Variants in CRB1 observed in about 807,000 individuals in gnomAD.
CRB1 encodes the protein protein crumbs homolog 1.
A neutral mutation model predicts 120.0 loss-of-function variants in CRB1; 83 were observed. That is an observed-to-expected ratio of 0.69 (90% confidence interval 0.58 to 0.83). The LOEUF (loss-of-function observed/expected upper bound fraction) is 0.83. Ranked by LOEUF, CRB1 falls within the 40% of genes least tolerant of loss-of-function variation. CRB1 has a pLI of 0.00. For missense variants in CRB1, 1,699 were observed against 1,687.6 expected (o/e 1.01, Z -0.12); for synonymous variants, 625 against 612.5 (o/e 1.02, Z -0.30).
chr1:197,331,469 T>C (rs1388828205), intron 2 of CRB1, among the ~76,000 whole-genome samples: 1 of 152,226 alleles, frequency 6.6e-6, no homozygotes, highest in Non-Finnish European at 1.5e-5. Flanking sequence ...ACAATAGTTG[T>C]ATGAAAAGCT....
chr1:197,278,402 T>C (rs1655341300), intron 1 of CRB1, among the ~76,000 whole-genome samples: 1 of 152,006 alleles, frequency 6.6e-6, no homozygotes, highest in Non-Finnish European at 1.5e-5. Flanking sequence ...TTCTCTTGTT[T>C]ATAAAGCCAC....
chr1:197,324,773 T>C (rs575157269), intron 1 of CRB1, among the ~76,000 whole-genome samples: 1 of 152,322 alleles, frequency 6.6e-6, no homozygotes, highest in South Asian at 2.1e-4. Context: ...ACACTGAGGC[T>C]CAGTGAAAAT....
intron 5 of CRB1, among the ~76,000 whole-genome samples, chr1:197,361,404 G>T (rs755764463): frequency 1.3e-5 from 2 of 151,920 alleles, no homozygotes; most frequent in Non-Finnish European, 2.9e-5. Flanking sequence ...CTTTTGAATT[G>T]CAAATTTAAT....
chr1:197,319,358 G>A (rs1347013162), intron 1 of CRB1, among the ~76,000 whole-genome samples: 1 of 130,782 alleles, frequency 7.6e-6, no homozygotes, highest in Non-Finnish European at 1.6e-5. Flanking sequence ...AACCTGGGAG[G>A]TAGAGGTTGC....
chr1:197,344,597 C>A, intron 3 of CRB1, 121 bp downstream of exon 3: 1 of 874,526 alleles, frequency 1.1e-6, no homozygotes, highest in Non-Finnish European at 1.9e-6. Flanking sequence ...TAACTTTATA[C>A]TTTAACTGAT....
chr1:197,452,072 C>T (rs1171021111), intron 11 of CRB1, among the ~76,000 whole-genome samples: 7 of 152,112 alleles, frequency 4.6e-5, no homozygotes, highest in Non-Finnish European at 8.8e-5. Context: ...AAAAGGATTT[C>T]GGGAATCATC....
chr1:197,464,338 A>C (rs1012644950), intron 11 of CRB1, among the ~76,000 whole-genome samples: 5 of 152,162 alleles, frequency 3.3e-5, no homozygotes, highest in African/African-American at 1.2e-4. Flanking sequence ...AATCCTTGGA[A>C]ACAGGATTGG....
the CRB1 span, among the ~76,000 whole-genome samples, chr1:197,239,383 C>T: frequency 3.9e-3 from 600 of 152,164 alleles, 19 homozygotes; most frequent in Admixed American, 0.032. Flanking sequence ...ATTTTTGCTT[C>T]ATATATTTTG....
chr1:197,294,479 G>A lies in CRB1; in HGVS notation c.70+25997G>A, dbSNP rs146173220. 7.9e-4 allele frequency among the ~76,000 whole-genome samples: 120 copies of A among 152,226 alleles called. 2 individuals are homozygous for A. The East Asian group carries it at 0.022, about 28-fold the overall frequency. On this transcript the variant is annotated intron_variant, in intron 1 of 11. Coordinates refer to ENST00000367400, the MANE Select transcript of CRB1 (RefSeq NM_201253.3). ...GGTGGGACTATAAACTAATTCAACC[G>A]TTGTGGAAGACAGTGTGGAAATTCC...
At chr1:197,323,250 T>C (rs1245110380) in intron 1 of CRB1, among the ~76,000 whole-genome samples, 1 of 152,196 alleles carries the variant, frequency 6.6e-6, no homozygotes, top group Non-Finnish European at 1.5e-5. Flanking sequence ...AGCACACTGA[T>C]AAGTCTCTAG....
intron 5 of CRB1, among the ~76,000 whole-genome samples, chr1:197,388,531 T>G (rs1662335221): frequency 6.6e-6 from 1 of 152,082 alleles, no homozygotes; most frequent in Non-Finnish European, 1.5e-5. Flanking sequence ...AAATCTCTAT[T>G]TCTCCTGCAT....
At chr1:197,323,674 G>T (rs554615528) in intron 1 of CRB1, among the ~76,000 whole-genome samples, 1 of 152,124 alleles carries the variant, frequency 6.6e-6, no homozygotes, top group Admixed American at 6.5e-5. Context: ...TTCACAACTT[G>T]CATCATTTAG....
the CRB1 span, among the ~76,000 whole-genome samples, chr1:197,260,152 A>G: frequency 6.6e-6 from 1 of 151,588 alleles, no homozygotes; most frequent in Non-Finnish European, 1.5e-5. Context: ...GAGACCCTAA[A>G]AAAAGAAAGA....
At chr1:197,210,237 C>G in the CRB1 span, among the ~76,000 whole-genome samples, 2 of 152,198 alleles carry the variant, frequency 1.3e-5, no homozygotes, top group South Asian at 4.2e-4. Flanking sequence ...CTGTGGTGCC[C>G]AATTATGTGG....
intron 1 of CRB1, among the ~76,000 whole-genome samples, chr1:197,308,409 G>C (rs1055946820): frequency 3.9e-5 from 6 of 152,034 alleles, no homozygotes; most frequent in African/African-American, 1.2e-4. Context: ...TGTACTCCCT[G>C]TATCTAAACT....
At chr1:197,211,942 C>T in the CRB1 span, among the ~76,000 whole-genome samples, 13 of 151,074 alleles carry the variant, frequency 8.6e-5, no homozygotes, top group African/African-American at 2.7e-4. Flanking sequence ...ATCAATGAGA[C>T]GAAACATATA....
At chr1:197,372,608 T>C (rs1661426368) in intron 5 of CRB1, among the ~76,000 whole-genome samples, 2 of 152,036 alleles carry the variant, frequency 1.3e-5, no homozygotes, top group African/African-American at 4.8e-5. Flanking sequence ...GTTATTAAGA[T>C]TGAGGTTGGG....
intron 1 of CRB1, among the ~76,000 whole-genome samples, chr1:197,302,021 T>G (rs367607237): frequency 6.6e-6 from 1 of 152,326 alleles, no homozygotes; most frequent in Non-Finnish European, 1.5e-5. Context: ...TTGACTCCAA[T>G]TTTGAAAGAA....
chr1:197,392,694 A>C (rs1341339094), intron 5 of CRB1, among the ~76,000 whole-genome samples: 1 of 152,176 alleles, frequency 6.6e-6, no homozygotes, highest in East Asian at 1.9e-4. Context: ...GCCTCACCTA[A>C]GTGAATCAAT....
Sources: allele counts gnomAD v4.1 joint callset (sites outside exome capture counted in the v4.1 genomes callset), GRCh38; gene constraint gnomAD v4.1.1; transcripts MANE v1.5; gene names NCBI Gene and HGNC (gene_info 2026-07-23, HGNC 2026-07-21).